The following PISD variants were observed in gnomAD, a reference collection of about 807,000 sequenced individuals.
PISD encodes the protein phosphatidylserine decarboxylase.
PISD carries 31 observed loss-of-function variants against 43.5 expected under a neutral mutation model. The ratio of observed to expected loss-of-function variants is 0.71; its 90% CI spans 0.54 to 0.96. The LOEUF (loss-of-function observed/expected upper bound fraction) is 0.96. PISD is among the 40% of genes least tolerant of loss of function. The pLI is 0.00. For synonymous variants in PISD, 259 were observed against 228.7 expected (o/e 1.13, Z -1.20); for missense variants, 523 against 548.4 (o/e 0.95, Z 0.46).
intron 3 of PISD, chr22:31,623,586 G>A (rs1230219202): frequency 8.2e-6 from 10 of 1,216,570 alleles, no homozygotes; most frequent in Non-Finnish European, 1.1e-5. Context: ...GGTGACCTCT[G>A]CTTCTGACAG....
At position 31,630,257 on chromosome 22, in the gene PISD, C is replaced by T. The variant is rs1184082463; in HGVS notation, c.322-8372G>A. Among the ~76,000 whole-genome samples the T allele has an allele frequency of 6.6e-6, 1 of 152,102 alleles. No homozygotes were observed. Among genetic ancestry groups the T allele is most frequent in the African/African-American group, 2.4e-5 (1 of 41,426 alleles). ...TAGCCGCCCAAAGACAGGGAACCTC[C>T]TCTCAGACAACTCTGGGTGCTGAGG... On this transcript the variant is annotated intron_variant, in intron 3 of 7. Transcript: ENST00000439502. The surrounding 1 kb of genome is among the most constrained non-coding windows in gnomAD (Gnocchi z 4.4).
chr22:31,623,213 C>T (rs1376783968), intron 3 of PISD, among the ~76,000 whole-genome samples: 1 of 152,210 alleles, frequency 6.6e-6, no homozygotes, highest in African/African-American at 2.4e-5. Flanking sequence ...CTTGCCCATT[C>T]CTGGGGCATG....
intron 1 of PISD, among the ~76,000 whole-genome samples, chr22:31,654,974 G>A (rs1167344105): frequency 6.6e-6 from 1 of 151,726 alleles, no homozygotes; most frequent in East Asian, 1.9e-4. Context: ...TACTGGGGAG[G>A]CTGAGGCAGG....
Position 31,625,921 on chromosome 22 carries a change from C to A in PISD, c.322-4036G>T. On this transcript the variant is annotated intron_variant, in intron 3 of 7. Coordinates refer to ENST00000439502, the MANE Select transcript of PISD (RefSeq NM_001326411.2). ...GCAGATCTCCTGTGCTGTCACTGCT[C>A]CAGGGCCTCTGCCTCTGCGAGGCTG... The A allele has an allele frequency of 1.4e-5, 21 of 1,529,448 alleles. 1 individual carries two copies. The South Asian group carries it at 2.3e-4, about 17-fold the overall frequency. The allele number at this position is 1,529,448 out of a possible 1,614,324, so 94.7% of individuals were successfully genotyped here.
At chr22:31,656,354 A>G (rs576400270) in intron 1 of PISD, among the ~76,000 whole-genome samples, 2 of 151,820 alleles carry the variant, frequency 1.3e-5, no homozygotes, top group African/African-American at 4.8e-5. Flanking sequence ...TGAAAAAAAC[A>G]AAAAAATAAA....
At chr22:31,643,535 G>T (rs1291755262) in intron 3 of PISD, among the ~76,000 whole-genome samples, 2 of 152,130 alleles carry the variant, frequency 1.3e-5, no homozygotes, top group Non-Finnish European at 2.9e-5. Flanking sequence ...GGAGTTCAAG[G>T]CTGTAGCAAG....
At position 31,630,312 on chromosome 22, in the gene PISD, C is replaced by T. The variant is rs2073138704; in HGVS notation, c.322-8427G>A. 6.6e-6 allele frequency among the ~76,000 whole-genome samples: 1 copy of T among 152,104 alleles called. No homozygotes were observed. Among genetic ancestry groups the T allele is most frequent in the African/African-American group, 2.4e-5 (1 of 41,426 alleles). On this transcript the variant is annotated intron_variant, in intron 3 of 7. Transcript: ENST00000439502. This position sits in a 1 kb window ranked among gnomAD's most constrained non-coding sequence, Gnocchi z 4.4. ...CCGGCTCTGGGCAAAGGCAGTAAGC[C>T]GGCCACCCGCTCCCTGGCCCTCGGG...
chr22:31,662,083 C>T lies in PISD; in HGVS notation c.65+61G>A, dbSNP rs2074336297. 14 of 1,449,658 alleles carry T rather than the reference C, an allele frequency of 9.7e-6. No homozygotes were observed. In the Admixed American group the frequency reaches 1.5e-4, roughly 16 times the overall value. The allele number at this position is 1,449,658 out of a possible 1,614,324, so 89.8% of individuals were successfully genotyped here. The stretch of plus-strand genomic sequence containing the variant: ...CCCGCGACACAGAAACATCTCTCTT[C>T]AGACCCCAGCTTGGTCCAGGTTGCC... On this transcript the variant is annotated intron_variant, in intron 1 of 7. Coordinates refer to ENST00000439502, the MANE Select transcript of PISD (RefSeq NM_001326411.2).
intron 3 of PISD, among the ~76,000 whole-genome samples, chr22:31,631,662 G>A (rs912327593): frequency 3.3e-5 from 5 of 152,208 alleles, no homozygotes; most frequent in African/African-American, 2.4e-5. Context: ...CCAGGCATCC[G>A]ACAAGCACTC....
chr22:31,650,433 A>T lies in PISD; in HGVS notation c.145+266T>A, dbSNP rs182554207. Among the ~76,000 whole-genome samples, 153 of 151,952 alleles carry T rather than the reference A, an allele frequency of 1.0e-3. 1 individual carries two copies. The highest frequency in any genetic ancestry group is 2.9e-4 in the Non-Finnish European group (20 of 67,990). ...GCACATCTGTGTCCCAGCTACTTGG[A>T]GAATGAGAATTGCTTAAACCCAGGA... On this transcript the variant is annotated intron_variant, in intron 2 of 7. Transcript: ENST00000439502.
In PISD at chr22:31,637,143, TAAAAAAAAAA is replaced by T. The variant is rs1170100945; in HGVS notation, c.321+10948_321+10957del. 5.6e-3 allele frequency among the ~76,000 whole-genome samples: 178 copies of T among 31,508 alleles called. 2 individuals are homozygous for T. The highest frequency in any genetic ancestry group is 6.2e-3 in the African/African-American group (47 of 7,630). 20.7% of individuals were successfully genotyped at this position (31,508 alleles called of 152,430 possible). On this transcript the variant is annotated intron_variant, in intron 3 of 7. Transcript: ENST00000439502. ...CAAAAAAAAATAATAATAAATAAAT[TAAAAAAAAAA>T]AAAAAAAAAAAATATATATATATAT...
chr22:31,619,525 C>G lies in PISD; in HGVS notation c.*87G>C. ...CAACCACGCTGAGGCAGGCCCTTAC[C>G]TGGATGGCCTCATGGGCCTCCCTCT... On this transcript the variant is annotated 3_prime_UTR_variant, in exon 8 of 8. Coordinates refer to ENST00000439502, the MANE Select transcript of PISD (RefSeq NM_001326411.2). 9.4e-7 allele frequency: 1 copy of G among 1,065,358 alleles called. No individual in the cohort carries two copies. The highest frequency in any genetic ancestry group is 1.4e-6 in the Non-Finnish European group (1 of 696,722). 66.0% of individuals were successfully genotyped at this position (1,065,358 alleles called of 1,614,324 possible). A position where few individuals can be genotyped will look rare whatever the true frequency, so the allele number is the denominator to read the frequency against.
chr22:31,620,269 C>A (rs1402695014), intron 7 of PISD, among the ~76,000 whole-genome samples: 2 of 152,262 alleles, frequency 1.3e-5, no homozygotes, highest in African/African-American at 4.8e-5. Flanking sequence ...CTCACTCTCA[C>A]CTTTGACCAT....
chr22:31,628,058 T>C (rs2073004854), intron 3 of PISD: 1 of 985,500 alleles, frequency 1.0e-6, no homozygotes, highest in South Asian at 4.7e-5. Flanking sequence ...TCCTTGTCTT[T>C]ATCACTGTTC....
chr22:31,661,093 A>G (rs886081992), intron 1 of PISD, among the ~76,000 whole-genome samples: 3 of 151,460 alleles, frequency 2.0e-5, no homozygotes, highest in Non-Finnish European at 4.4e-5. Flanking sequence ...TGGTAATAAC[A>G]TTGAAAACAA....
In PISD at chr22:31,619,817, G is replaced by A; in HGVS notation, c.1025C>T (p.Pro342Leu). 2 of 1,613,736 alleles carry A rather than the reference G, an allele frequency of 1.2e-6. No individual in the cohort carries two copies. Among genetic ancestry groups the A allele is most frequent in the Non-Finnish European group, 1.7e-6 (2 of 1,179,744 alleles). Residue 342 changes from proline (P) to leucine (L), a missense_variant, in exon 8 of 8, where the codon CCA becomes CTA. Transcript: ENST00000439502. Reference protein sequence around the residue: ...YFDRDLHTNSPRHSKGSYNDF... With the variant: ...YFDRDLHTNSLRHSKGSYNDF... ...ATTGTAGGAGCCCTTGCTGTGCCTT[G>A]GGCTGTTTGTGTGCAGGTCCTGTGG...
chr22:31,658,953 A>C (rs1425674862), intron 1 of PISD, among the ~76,000 whole-genome samples: 1 of 150,614 alleles, frequency 6.6e-6, no homozygotes, highest in African/African-American at 2.4e-5. Context: ...TCCTGGGCTC[A>C]GGCAATCCTC....
At chr22:31,636,010 G>C (rs2073419508) in intron 3 of PISD, among the ~76,000 whole-genome samples, 1 of 152,328 alleles carries the variant, frequency 6.6e-6, no homozygotes, top group East Asian at 1.9e-4. Flanking sequence ...GGGCATGAAT[G>C]GCCCTATTTA....
intron 3 of PISD, among the ~76,000 whole-genome samples, chr22:31,637,143 T>TAAAA (rs1170100945): frequency 3.5e-4 from 11 of 31,606 alleles, no homozygotes; most frequent in African/African-American, 5.2e-4. Context: ...ATAAATAAAT[T>TAAAA]AAAAAAAAAA....
Sources: gnomAD v4.1 joint callset for allele counts (sites outside exome capture counted in the v4.1 genomes callset) on GRCh38, gnomAD v4.1.1 for gene constraint, Gnocchi (gnomAD v3.1) non-coding constraint, MANE v1.5 for transcripts, NCBI Gene and HGNC (gene_info 2026-07-23, HGNC 2026-07-21) for gene names.